The following FGF9 variants were observed in gnomAD, a reference collection of about 807,000 sequenced individuals.
FGF9 encodes the protein fibroblast growth factor 9 (glia-activating factor).
FGF9 carries 3 observed loss-of-function variants against 19.9 expected under a neutral mutation model. That is an observed-to-expected ratio of 0.15 (90% CI 0.07 to 0.39). FGF9 has a LOEUF of 0.39. FGF9 is among the 10% of genes least tolerant of loss of function. FGF9 has a pLI of 1.00. For missense variants in FGF9, 175 were observed against 256.8 expected (o/e 0.68, Z 2.18); for synonymous variants, 107 against 106.9 (o/e 1.00, Z -0.01).
At position 21,671,858 on chromosome 13, in the gene FGF9, TG is replaced by T; in HGVS notation, c.-52del. ...TGGATATACCTCGCCTAATATCTCC[TG>T]GGTTGACACCATCATTATTGTTTAT... On this transcript the variant is annotated 5_prime_UTR_variant, in exon 1 of 3. Coordinates refer to ENST00000382353, the MANE Select transcript of FGF9 (RefSeq NM_002010.3). 1 of 1,608,374 alleles carries T rather than the reference TG, an allele frequency of 6.2e-7. No homozygotes were observed. Among genetic ancestry groups the T allele is most frequent in the Non-Finnish European group, 8.5e-7 (1 of 1,174,890 alleles).
At chr13:21,698,926 C>T (rs1346532712) in intron 2 of FGF9, among the ~76,000 whole-genome samples, 3 of 152,198 alleles carry the variant, frequency 2.0e-5, no homozygotes, top group Admixed American at 6.5e-5. Context: ...AGAAATTTCA[C>T]TTAATTACAG....
At chr13:21,686,845 T>A (rs1246623948) in intron 2 of FGF9, among the ~76,000 whole-genome samples, 1 of 152,038 alleles carries the variant, frequency 6.6e-6, no homozygotes, top group Non-Finnish European at 1.5e-5. Context: ...ACTTGTAGAG[T>A]CAGGGTGTTT....
chr13:21,680,309 G>A (rs980036545), intron 1 of FGF9, among the ~76,000 whole-genome samples: 1 of 152,172 alleles, frequency 6.6e-6, no homozygotes, highest in Non-Finnish European at 1.5e-5. Flanking sequence ...TAATTGGGAT[G>A]TATGTGGGCA....
chr13:21,680,541 T>C (rs1338756761), intron 1 of FGF9, among the ~76,000 whole-genome samples: 1 of 152,302 alleles, frequency 6.6e-6, no homozygotes, highest in Non-Finnish European at 1.5e-5. Context: ...CACACACAGA[T>C]ACTTAACTTC....
chr13:21,693,940 G>T (rs893692101), intron 2 of FGF9, among the ~76,000 whole-genome samples: 1 of 152,108 alleles, frequency 6.6e-6, no homozygotes, highest in Non-Finnish European at 1.5e-5. Context: ...GTTTCATTTG[G>T]TTTCTTTCCC....
In FGF9 at chr13:21,672,328, C is replaced by G. The variant is rs1871788352; in HGVS notation, c.277+139C>G. On this transcript the variant is annotated intron_variant, in intron 1 of 2. Coordinates refer to ENST00000382353, the MANE Select transcript of FGF9 (RefSeq NM_002010.3). This position sits in a 1 kb window ranked among gnomAD's most constrained non-coding sequence, Gnocchi z 4.2. ...TTTCTCTGTATCTCTGTCTCTCTCT[C>G]TCTCTGTCTTGCCAGCTCCGAAAAA... is the stretch of plus-strand genomic sequence containing the variant. 1 of 973,892 alleles carries G rather than the reference C, an allele frequency of 1.0e-6. No individual in the cohort carries two copies. Among genetic ancestry groups the G allele is most frequent in the Admixed American group, 1.9e-5 (1 of 51,816 alleles). The allele number at this position is 973,892 out of a possible 1,614,324, so 60.3% of individuals were successfully genotyped here. A position where few individuals can be genotyped will look rare whatever the true frequency, so the allele number is the denominator to read the frequency against.
chr13:21,676,544 A>C (rs893581431), intron 1 of FGF9, among the ~76,000 whole-genome samples: 2 of 152,188 alleles, frequency 1.3e-5, no homozygotes, highest in Admixed American at 6.5e-5. Flanking sequence ...AAACTCTATG[A>C]GATGTGCTCA....
intron 1 of FGF9, among the ~76,000 whole-genome samples, chr13:21,675,638 C>G (rs1484173526): frequency 6.6e-6 from 1 of 152,230 alleles, no homozygotes; most frequent in African/African-American, 2.4e-5. Context: ...GGGAGTTCGT[C>G]CTCACACTCA....
chr13:21,676,084 G>C (rs1871909360), intron 1 of FGF9, among the ~76,000 whole-genome samples: 1 of 152,162 alleles, frequency 6.6e-6, no homozygotes, highest in Non-Finnish European at 1.5e-5. Context: ...CACTTTTAAA[G>C]CACTCCAGCC....
chr13:21,696,108 T>C (rs1056474997), intron 2 of FGF9, among the ~76,000 whole-genome samples: 1 of 152,220 alleles, frequency 6.6e-6, no homozygotes, highest in Non-Finnish European at 1.5e-5. Context: ...TGGATTACAC[T>C]TTTTCAAATT....
rs1872299709 is a variant in FGF9 at position 21,691,902 on chromosome 13, G to A, written c.382-9288G>A. On this transcript the variant is annotated intron_variant, in intron 2 of 2. Transcript: ENST00000382353. The surrounding 1 kb of genome is among the most constrained non-coding windows in gnomAD (Gnocchi z 4.2). Reference sequence around the variant, plus strand: ...TAAAAGGTTATGGTGCTAAGTGTGAGAGCCACACTCAGAGCTGTCTTCTTC... The same window carrying A: ...TAAAAGGTTATGGTGCTAAGTGTGAAAGCCACACTCAGAGCTGTCTTCTTC... Among the ~76,000 whole-genome samples, 1 of 152,142 alleles carries A rather than the reference G, an allele frequency of 6.6e-6. No homozygotes were observed. The highest frequency in any genetic ancestry group is 2.4e-5 in the African/African-American group (1 of 41,412).
At chr13:21,678,831 C>T (rs914452217) in intron 1 of FGF9, among the ~76,000 whole-genome samples, 10 of 152,112 alleles carry the variant, frequency 6.6e-5, no homozygotes, top group Admixed American at 2.0e-4. Context: ...CATCTTACGA[C>T]GAAAATTGAA....
In FGF9 at chr13:21,671,091, G is replaced by T. The variant is rs964730413; in HGVS notation, c.-822G>T. ...TGCCTGCGCCACTCTGCGCGCCGGC[G>T]GGGGCTGCGCAGGAGGAGCGCTCCG... On this transcript the variant is annotated 5_prime_UTR_variant, in exon 1 of 3. Coordinates refer to ENST00000382353, the MANE Select transcript of FGF9 (RefSeq NM_002010.3). 2.0e-5 allele frequency among the ~76,000 whole-genome samples: 3 copies of T among 152,120 alleles called. No homozygotes were observed. The highest frequency in any genetic ancestry group is 4.4e-5 in the Non-Finnish European group (3 of 67,990).
At chr13:21,695,115 T>A (rs7987398) in intron 2 of FGF9, among the ~76,000 whole-genome samples, 10,752 of 149,384 alleles carry the variant, frequency 0.072, 1,076 homozygotes, top group African/African-American at 0.24. Context: ...TGTGTGTGTG[T>A]GAGAGAGACT....
chr13:21,688,974 C>T (rs1872223688), intron 2 of FGF9, among the ~76,000 whole-genome samples: 1 of 152,072 alleles, frequency 6.6e-6, no homozygotes, highest in Non-Finnish European at 1.5e-5. Context: ...GGAGATTTTC[C>T]AGGTTTGGGA....
rs1872592105 is a variant in FGF9 at position 21,703,564 on chromosome 13, CTTATTTA to C, written c.*2137_*2143del. 1 of 152,052 alleles carries C rather than the reference CTTATTTA, an allele frequency of 6.6e-6. No homozygotes were observed. The highest frequency in any genetic ancestry group is 2.1e-4 in the South Asian group (1 of 4,826). The allele number at this position is 152,052 out of a possible 1,614,324, so 9.4% of individuals were successfully genotyped here. Reference sequence around the variant, plus strand: ...GCATTTAATTCCAAAAAGTAGTATTCTTATTTATTATTTAACCCTTTGCTGCTGCTAA... The same window carrying C: ...GCATTTAATTCCAAAAAGTAGTATTCTTATTTAACCCTTTGCTGCTGCTAA... On this transcript the variant is annotated 3_prime_UTR_variant, in exon 3 of 3. Transcript: ENST00000382353.
chr13:21,699,094 A>G (rs888985598), intron 2 of FGF9, among the ~76,000 whole-genome samples: 4 of 152,132 alleles, frequency 2.6e-5, no homozygotes, highest in Non-Finnish European at 4.4e-5. Flanking sequence ...ATTCAGCCCA[A>G]TCTCCCCAGC....
intron 2 of FGF9, among the ~76,000 whole-genome samples, chr13:21,696,757 C>T (rs1872419381): frequency 6.6e-6 from 1 of 152,148 alleles, no homozygotes. Flanking sequence ...TAAGTATTTT[C>T]ACCTCAACTA....
At chr13:21,689,827 G>C (rs1043833571) in intron 2 of FGF9, among the ~76,000 whole-genome samples, 1 of 152,100 alleles carries the variant, frequency 6.6e-6, no homozygotes, top group African/African-American at 2.4e-5. Context: ...TGTAAGTTAG[G>C]GTCTGCAAGG....
Sources: gnomAD v4.1 joint callset for allele counts (sites outside exome capture counted in the v4.1 genomes callset) on GRCh38, gnomAD v4.1.1 for gene constraint, Gnocchi (gnomAD v3.1) non-coding constraint, MANE v1.5 for transcripts, NCBI Gene and HGNC (gene_info 2026-07-23, HGNC 2026-07-21) for gene names.